Variants in ADGRL3 observed in about 807,000 individuals in gnomAD.
The protein encoded by ADGRL3 is adhesion G protein-coupled receptor L3.
In ADGRL3, 62 loss-of-function variants were observed where a neutral mutation model predicts 153.5. That is an observed-to-expected ratio of 0.40 (90% CI 0.33 to 0.50). ADGRL3 has a LOEUF of 0.50. Among genes scored for constraint, ADGRL3 ranks in the 20% least tolerant of loss-of-function variants. The probability of loss-of-function intolerance (pLI) is 0.47; values close to 1 mark genes in which losing one functional copy is unlikely to be tolerated. For synonymous variants in ADGRL3, 710 were observed against 672.5 expected (o/e 1.06, Z -0.86); for missense variants, 1,641 against 1,859.4 (o/e 0.88, Z 2.16).
intron 25 of ADGRL3, among the ~76,000 whole-genome samples, chr4:62,045,784 T>G (rs10222957): frequency 1.3e-5 from 2 of 151,966 alleles, no homozygotes; most frequent in African/African-American, 2.4e-5. Flanking sequence ...TTAGTAAGAA[T>G]AGTGAGTGAG....
intron 1 of ADGRL3, among the ~76,000 whole-genome samples, chr4:61,279,294 A>G (rs2149950521): frequency 6.6e-6 from 1 of 152,194 alleles, no homozygotes; most frequent in Non-Finnish European, 1.5e-5. Flanking sequence ...TCTGAGTAGT[A>G]TTTTGTTTTG....
rs144234000 is a variant in ADGRL3 at position 61,768,252 on chromosome 4, C to T, written c.1399+34698C>T. On this transcript the variant is annotated intron_variant, in intron 8 of 26. Coordinates refer to ENST00000683033, the MANE Select transcript of ADGRL3 (RefSeq NM_001387552.1). ...CACAGAAGGAAACTGTAAGCCAGAC[C>T]AGGTGTGAGGAGGGGAGGCAATAAA... Among the ~76,000 whole-genome samples, 1,081 of 152,130 alleles carry T rather than the reference C, an allele frequency of 7.1e-3. 20 individuals carry two copies. The highest frequency in any genetic ancestry group is 0.023 in the African/African-American group (962 of 41,468).
intron 8 of ADGRL3, among the ~76,000 whole-genome samples, chr4:61,787,710 T>C (rs116807703): frequency 0.014 from 2,092 of 152,156 alleles, 63 homozygotes; most frequent in African/African-American, 0.047. Flanking sequence ...TAGTTTTTCA[T>C]TATTAAAAAA....
At chr4:61,331,956 T>A (rs932793149) in intron 1 of ADGRL3, among the ~76,000 whole-genome samples, 1 of 151,902 alleles carries the variant, frequency 6.6e-6, no homozygotes, top group African/African-American at 2.4e-5. Context: ...TCTGTAGGAG[T>A]GGACAAGTGG....
intron 17 of ADGRL3, among the ~76,000 whole-genome samples, chr4:61,964,816 A>G (rs1484965832): frequency 6.6e-6 from 1 of 151,958 alleles, no homozygotes; most frequent in Non-Finnish European, 1.5e-5. Context: ...AGAAAGCATA[A>G]TCAATCAACC....
chr4:62,005,993 C>T (rs1398257685), intron 21 of ADGRL3, among the ~76,000 whole-genome samples: 4 of 87,480 alleles, frequency 4.6e-5, no homozygotes, highest in African/African-American at 1.7e-4. Flanking sequence ...CACACACACA[C>T]ACACACACAC....
chr4:61,347,059 G>T (rs910784236), intron 1 of ADGRL3, among the ~76,000 whole-genome samples: 1 of 152,036 alleles, frequency 6.6e-6, no homozygotes, highest in African/African-American at 2.4e-5. Context: ...AGAGCTTCTT[G>T]TAAGTGTATA....
At chr4:61,316,884 TA>T (rs1412733928) in intron 1 of ADGRL3, among the ~76,000 whole-genome samples, 2 of 152,230 alleles carry the variant, frequency 1.3e-5, no homozygotes, top group African/African-American at 2.4e-5. Context: ...TTCTCTTTAT[TA>T]TTTTTTTTGT....
chr4:62,024,558 T>G (rs1717214372), intron 21 of ADGRL3, among the ~76,000 whole-genome samples: 1 of 152,140 alleles, frequency 6.6e-6, no homozygotes, highest in Non-Finnish European at 1.5e-5. Flanking sequence ...TTTGAAGAAT[T>G]TTTAATATCT....
intron 1 of ADGRL3, among the ~76,000 whole-genome samples, chr4:61,240,878 T>C (rs1396368201): frequency 6.6e-6 from 1 of 152,090 alleles, no homozygotes; most frequent in Non-Finnish European, 1.5e-5. Flanking sequence ...GCTTGATAAA[T>C]ATTTGTTGAA....
At chr4:61,493,867 G>A (rs933947109) in intron 2 of ADGRL3, among the ~76,000 whole-genome samples, 2 of 152,144 alleles carry the variant, frequency 1.3e-5, no homozygotes, top group African/African-American at 2.4e-5. Flanking sequence ...GAGCACTAAT[G>A]TTGAAGTAAT....
chr4:61,494,680 T>C (rs2098294481), intron 2 of ADGRL3, among the ~76,000 whole-genome samples: 1 of 152,156 alleles, frequency 6.6e-6, no homozygotes. Context: ...CTCAACCAAA[T>C]ATTTCGTTTC....
chr4:61,235,331 C>G (rs1478656198), intron 1 of ADGRL3, among the ~76,000 whole-genome samples: 1 of 152,148 alleles, frequency 6.6e-6, no homozygotes, highest in Non-Finnish European at 1.5e-5. Context: ...ATTGCTAATT[C>G]TTTTTTGTAG....
At position 61,936,921 on chromosome 4, in the gene ADGRL3, G is replaced by A. The variant is rs185139505; in HGVS notation, c.2419+876G>A. Among the ~76,000 whole-genome samples, 822 of 152,044 alleles carry A rather than the reference G, an allele frequency of 5.4e-3. 4 individuals are homozygous for A. Among genetic ancestry groups the A allele is most frequent in the Non-Finnish European group, 6.2e-3 (419 of 67,990 alleles). On this transcript the variant is annotated intron_variant, in intron 15 of 26. Transcript: ENST00000683033. ...CAACTTAATACTAATATTTCATATT[G>A]CAGGGTGAATAGTTTTGATAAATGA...
intron 1 of ADGRL3, among the ~76,000 whole-genome samples, chr4:61,247,949 C>A (rs1757747296): frequency 6.6e-6 from 1 of 151,952 alleles, no homozygotes; most frequent in South Asian, 2.1e-4. Flanking sequence ...CCACATGAAT[C>A]CCCAATTTAT....
At chr4:61,775,566 A>G (rs561487687) in intron 8 of ADGRL3, 1 of 859,306 alleles carries the variant, frequency 1.2e-6, no homozygotes, top group Admixed American at 1.7e-5. Flanking sequence ...CCTCTCTGTC[A>G]GTTTTACAGA....
chr4:61,368,116 C>T (rs2096443629), intron 1 of ADGRL3, among the ~76,000 whole-genome samples: 1 of 151,488 alleles, frequency 6.6e-6, no homozygotes, highest in Non-Finnish European at 1.5e-5. Flanking sequence ...TGTTTGAGTT[C>T]ATTGTAGATT....
At chr4:61,483,805 C>A (rs1484962358) in intron 2 of ADGRL3, among the ~76,000 whole-genome samples, 1 of 150,884 alleles carries the variant, frequency 6.6e-6, no homozygotes, top group Non-Finnish European at 1.5e-5. Flanking sequence ...TGAATGAAGT[C>A]ATAATTAAAA....
At chr4:61,715,109 A>C (rs892880393) in intron 6 of ADGRL3, among the ~76,000 whole-genome samples, 1 of 152,192 alleles carries the variant, frequency 6.6e-6, no homozygotes, top group Admixed American at 6.5e-5. Context: ...CATATTATCT[A>C]CCTTCTTAAA....
Sources: gnomAD v4.1 joint callset for allele counts (sites outside exome capture counted in the v4.1 genomes callset) on GRCh38, gnomAD v4.1.1 for gene constraint, MANE v1.5 for transcripts, NCBI Gene and HGNC (gene_info 2026-07-23, HGNC 2026-07-21) for gene names.